PRKN: variants seen among roughly 807,000 people sequenced by gnomAD.
PRKN encodes the protein E3 ubiquitin-protein ligase parkin.
A neutral mutation model predicts 59.5 loss-of-function variants in PRKN; 56 were observed. That is an observed-to-expected ratio of 0.94 (90% CI 0.76 to 1.18). PRKN has a LOEUF of 1.18. PRKN is among the 50% of genes most tolerant of loss of function. The pLI is 0.00. For missense variants in PRKN, 657 were observed against 596.4 expected (o/e 1.10, Z -1.06); for synonymous variants, 250 against 222.1 (o/e 1.13, Z -1.12).
chr6:162,205,195 T>C (rs556551222), intron 3 of PRKN, among the ~76,000 whole-genome samples: 1 of 152,284 alleles, frequency 6.6e-6, no homozygotes, highest in South Asian at 2.1e-4. Context: ...CTCTCACGCT[T>C]TGCCTAACAG....
At chr6:162,564,525 T>C (rs959664608) in intron 1 of PRKN, among the ~76,000 whole-genome samples, 2 of 151,974 alleles carry the variant, frequency 1.3e-5, no homozygotes. Context: ...GGAGATTTAA[T>C]GCAAAGAAAA....
rs1790466268 is a variant in PRKN at position 161,466,252 on chromosome 6, C to A, written c.1084-79375G>T. 6.6e-6 allele frequency among the ~76,000 whole-genome samples: 1 copy of A among 152,206 alleles called. No individual in the cohort carries two copies. Among genetic ancestry groups the A allele is most frequent in the East Asian group, 1.9e-4 (1 of 5,194 alleles). ...TTGATACTTACCTCTTCTGCTCAGT[C>A]TTCTGTTAACCTGTTGAATGATTTA... On this transcript the variant is annotated intron_variant, in intron 9 of 11. Coordinates refer to ENST00000366898, the MANE Select transcript of PRKN (RefSeq NM_004562.3). The surrounding 1 kb of genome is among the most constrained non-coding windows in gnomAD (Gnocchi z 5.0).
At chr6:162,158,088 T>G (rs2849602) in intron 4 of PRKN, among the ~76,000 whole-genome samples, 142,240 of 151,782 alleles carry the variant, frequency 0.94, 67,250 homozygotes, top group Non-Finnish European at 1. Flanking sequence ...TGCGATAAGT[T>G]TTTGGCATAT....
intron 4 of PRKN, among the ~76,000 whole-genome samples, chr6:162,171,591 C>T (rs186515617): frequency 0.011 from 1,612 of 152,186 alleles, 28 homozygotes; most frequent in African/African-American, 0.037. Context: ...AGTAAAAAAT[C>T]AGGGTCTTTT....
At chr6:161,556,846 T>G (rs1437184913) in intron 8 of PRKN, among the ~76,000 whole-genome samples, 1 of 152,166 alleles carries the variant, frequency 6.6e-6, no homozygotes. Context: ...AAATCACTCA[T>G]GCATGTTTTG....
intron 4 of PRKN, among the ~76,000 whole-genome samples, chr6:162,054,841 A>G (rs1777792423): frequency 6.6e-6 from 1 of 152,216 alleles, no homozygotes; most frequent in South Asian, 2.1e-4. Flanking sequence ...ACAAGCATTC[A>G]ACTGGTTCAT....
chr6:161,912,920 T>G (rs376239109), intron 6 of PRKN, among the ~76,000 whole-genome samples: 78 of 152,282 alleles, frequency 5.1e-4, no homozygotes, highest in African/African-American at 1.7e-3. Context: ...CTCATGCCTA[T>G]AATCCCAGCA....
intron 6 of PRKN, among the ~76,000 whole-genome samples, chr6:161,923,726 C>T (rs1403927644): frequency 6.6e-6 from 1 of 152,078 alleles, no homozygotes; most frequent in Admixed American, 6.6e-5. Context: ...GATCCTTTAC[C>T]CCCTAATTGT....
intron 3 of PRKN, among the ~76,000 whole-genome samples, chr6:162,216,819 A>G (rs1777694790): frequency 6.6e-6 from 1 of 152,196 alleles, no homozygotes; most frequent in Non-Finnish European, 1.5e-5. Flanking sequence ...CAGCAAAATT[A>G]TATTTAAAAA....
chr6:162,710,649 T>C (rs141371556), intron 1 of PRKN, among the ~76,000 whole-genome samples: 15 of 152,194 alleles, frequency 9.9e-5, no homozygotes, highest in African/African-American at 3.4e-4. Flanking sequence ...GTATTACACA[T>C]TTGCACGGCC....
intron 2 of PRKN, among the ~76,000 whole-genome samples, chr6:162,437,902 T>TTG (rs1299387360): frequency 2.0e-5 from 3 of 152,214 alleles, no homozygotes; most frequent in Non-Finnish European, 4.4e-5. Flanking sequence ...ATATACAGAT[T>TTG]TGTGTGTGTA....
chr6:161,620,162 T>C (rs1283584267), intron 7 of PRKN, among the ~76,000 whole-genome samples: 1 of 151,128 alleles, frequency 6.6e-6, no homozygotes, highest in African/African-American at 2.4e-5. Flanking sequence ...AGCTAATTTT[T>C]TTTTTTTTTT....
chr6:161,548,872 G>T lies in PRKN; in HGVS notation c.1065C>A (p.Gly355=). The change falls in exon 9 of 12, where the codon GGC becomes GGA. Residue 355 remains glycine (G), a synonymous_variant. Transcript: ENST00000366898. The surrounding 1 kb of genome is among the most constrained non-coding windows in gnomAD (Gnocchi z 4.2). ...PDQRKVTCEG[G]NGLGCGFAFC... is the part of the protein sequence containing the mutation. ...TACTCACCCCACAGCCCAGGCCATT[G>T]CCCCCTTCGCAGGTGACTTTCCTCT... 1 of 1,614,126 alleles carries T rather than the reference G, an allele frequency of 6.2e-7. No homozygotes were observed. Among genetic ancestry groups the T allele is most frequent in the East Asian group, 2.2e-5 (1 of 44,872 alleles).
At chr6:162,327,465 A>G (rs1783345612) in intron 2 of PRKN, among the ~76,000 whole-genome samples, 2 of 152,300 alleles carry the variant, frequency 1.3e-5, no homozygotes, top group South Asian at 2.1e-4. Context: ...GAGGTCCTTG[A>G]CAATGGTCTT....
chr6:162,579,237 T>C (rs1780685065), intron 1 of PRKN, among the ~76,000 whole-genome samples: 1 of 152,204 alleles, frequency 6.6e-6, no homozygotes, highest in Admixed American at 6.6e-5. Flanking sequence ...TTAAACATGC[T>C]GATTCCTCTA....
In PRKN at chr6:161,584,666, T is replaced by A. The variant is rs1032114633; in HGVS notation, c.872-15250A>T. Among the ~76,000 whole-genome samples the A allele has an allele frequency of 1.3e-5, 2 of 152,198 alleles. No individual in the cohort carries two copies. The highest frequency in any genetic ancestry group is 2.9e-5 in the Non-Finnish European group (2 of 68,032). ...AATATCTGTTTAAATAGATTTGAGA[T>A]AAGCTGAAGCTGGATACAAAACTCC... On this transcript the variant is annotated intron_variant, in intron 7 of 11. Transcript: ENST00000366898. The surrounding 1 kb of genome is among the most constrained non-coding windows in gnomAD (Gnocchi z 4.8).
At chr6:162,406,204 A>G (rs1358469473) in intron 2 of PRKN, among the ~76,000 whole-genome samples, 1 of 152,198 alleles carries the variant, frequency 6.6e-6, no homozygotes, top group Non-Finnish European at 1.5e-5. Flanking sequence ...GATCGTTGCC[A>G]TTGTTATTCC....
intron 2 of PRKN, among the ~76,000 whole-genome samples, chr6:162,385,499 C>A (rs953346064): frequency 1.3e-5 from 2 of 152,092 alleles, no homozygotes; most frequent in African/African-American, 2.4e-5. Flanking sequence ...TTGATATGTG[C>A]ACTATCCTGA....
intron 4 of PRKN, among the ~76,000 whole-genome samples, chr6:162,194,347 A>G (rs1784410647): frequency 6.6e-6 from 1 of 152,230 alleles, no homozygotes; most frequent in Admixed American, 6.5e-5. Context: ...TATTCCTTAT[A>G]TTAGTAAATG....
Sources: gnomAD v4.1 joint callset for allele counts (sites outside exome capture counted in the v4.1 genomes callset) on GRCh38, gnomAD v4.1.1 for gene constraint, Gnocchi (gnomAD v3.1) non-coding constraint, MANE v1.5 for transcripts, NCBI Gene and HGNC (gene_info 2026-07-23, HGNC 2026-07-21) for gene names.